Variants in CDK8 observed in about 807,000 individuals in gnomAD.
The protein encoded by CDK8 is cyclin-dependent kinase 8.
In CDK8, 29 loss-of-function variants were observed where a neutral mutation model predicts 71.5. The ratio of observed to expected loss-of-function variants is 0.41; its 90% confidence interval spans 0.30 to 0.55. The LOEUF is 0.55. CDK8 is among the 20% of genes least tolerant of loss of function. The pLI, the probability that CDK8 is intolerant of heterozygous loss-of-function variation, is 0.37. For missense variants in CDK8, 288 were observed against 572.6 expected (o/e 0.50, Z 5.07); for synonymous variants, 161 against 192.1 (o/e 0.84, Z 1.34).
At chr13:26,359,820 A>AGC in intron 4 of CDK8, 1 of 297,628 alleles carries the variant, frequency 3.4e-6, no homozygotes, top group Non-Finnish European at 6.9e-6. Context: ...GGTTCAAGTG[A>AGC]TTCTCCTGCC....
At chr13:26,325,811 A>G (rs1436397345) in intron 1 of CDK8, among the ~76,000 whole-genome samples, 1 of 152,114 alleles carries the variant, frequency 6.6e-6, no homozygotes, top group Non-Finnish European at 1.5e-5. Context: ...TTTTGGCCAG[A>G]TTCAGGGTAT....
At chr13:26,339,754 A>ATATATATATAT (rs66521623) in intron 2 of CDK8, among the ~76,000 whole-genome samples, 28 of 129,334 alleles carry the variant, frequency 2.2e-4, no homozygotes, top group East Asian at 9.0e-4. Context: ...ACTTAAAAAA[A>ATATATATATAT]AAATATATAT....
At chr13:26,278,322 C>T (rs1872627445) in intron 1 of CDK8, among the ~76,000 whole-genome samples, 1 of 152,164 alleles carries the variant, frequency 6.6e-6, no homozygotes. Context: ...ACCATAGCCT[C>T]ATTTTACATT....
chr13:26,292,586 T>A (rs1229820303), intron 1 of CDK8, among the ~76,000 whole-genome samples: 4 of 152,166 alleles, frequency 2.6e-5, no homozygotes, highest in African/African-American at 9.7e-5. Flanking sequence ...GCTAAGCCCA[T>A]TAAAAGTCAC....
At chr13:26,344,964 ATT>A (rs1873402556) in intron 2 of CDK8, among the ~76,000 whole-genome samples, 1 of 152,190 alleles carries the variant, frequency 6.6e-6, no homozygotes, top group African/African-American at 2.4e-5. Context: ...ATCATCAAAT[ATT>A]GTGTGCTGTA....
intron 1 of CDK8, among the ~76,000 whole-genome samples, chr13:26,269,929 T>C (rs1264788657): frequency 6.6e-6 from 1 of 152,140 alleles, no homozygotes; most frequent in Non-Finnish European, 1.5e-5. Context: ...GAAGTAATTT[T>C]GATTTAGTTG....
intron 1 of CDK8, among the ~76,000 whole-genome samples, chr13:26,333,861 T>G (rs759639818): frequency 8.5e-5 from 13 of 152,204 alleles, no homozygotes; most frequent in Non-Finnish European, 1.8e-4. Context: ...ATCTGACTAC[T>G]TCCCTTGGAT....
At chr13:26,270,724 A>G (rs968580358) in intron 1 of CDK8, among the ~76,000 whole-genome samples, 1 of 152,148 alleles carries the variant, frequency 6.6e-6, no homozygotes, top group Non-Finnish European at 1.5e-5. Flanking sequence ...CATTTTGTTC[A>G]TTCCTGGGCT....
intron 6 of CDK8, among the ~76,000 whole-genome samples, chr13:26,391,744 T>TGATG (rs553085590): frequency 6.6e-6 from 1 of 152,242 alleles, no homozygotes; most frequent in South Asian, 2.1e-4. Context: ...CTTTTCCATA[T>TGATG]GATGGTATTG....
chr13:26,304,786 A>G (rs906483123), intron 1 of CDK8, among the ~76,000 whole-genome samples: 1 of 151,750 alleles, frequency 6.6e-6, no homozygotes, highest in Non-Finnish European at 1.5e-5. Context: ...ACAGGTGCAC[A>G]CTACCATACC....
chr13:26,260,440 G>A (rs1216989121), intron 1 of CDK8, among the ~76,000 whole-genome samples: 2 of 152,178 alleles, frequency 1.3e-5, no homozygotes, highest in East Asian at 1.9e-4. Context: ...TGCCATGGCA[G>A]AACTCTGTTT....
chr13:26,308,611 T>G (rs1418083361), intron 1 of CDK8, among the ~76,000 whole-genome samples: 1 of 152,260 alleles, frequency 6.6e-6, no homozygotes, highest in Non-Finnish European at 1.5e-5. Context: ...TTCCTGATCT[T>G]GGTAGATATT....
At chr13:26,355,138 T>G (rs1055768087) in intron 4 of CDK8, among the ~76,000 whole-genome samples, 29 of 152,242 alleles carry the variant, frequency 1.9e-4, no homozygotes, top group African/African-American at 6.8e-4. Context: ...GTGGCACAGT[T>G]TATACTTCTT....
intron 9 of CDK8, 194 bp from the exon 10 acceptor site, chr13:26,400,259 A>G (rs1467052557): frequency 2.6e-5 from 14 of 530,468 alleles, no homozygotes; most frequent in Non-Finnish European, 4.7e-5. Context: ...AAGTGAGATT[A>G]TGAAACTGGA....
intron 1 of CDK8, among the ~76,000 whole-genome samples, chr13:26,255,899 T>C (rs933498341): frequency 1.3e-5 from 2 of 152,116 alleles, no homozygotes; most frequent in South Asian, 4.1e-4. Context: ...AAAGCTGAAG[T>C]TCCCTACTGT....
chr13:26,268,646 A>G (rs2137866136), intron 1 of CDK8, among the ~76,000 whole-genome samples: 1 of 152,040 alleles, frequency 6.6e-6, no homozygotes, highest in East Asian at 1.9e-4. Context: ...TGTATTTTAG[A>G]TTACTGGTGG....
At chr13:26,263,117 A>T (rs758585784) in intron 1 of CDK8, among the ~76,000 whole-genome samples, 3 of 151,986 alleles carry the variant, frequency 2.0e-5, no homozygotes, top group Admixed American at 6.5e-5. Flanking sequence ...TTGAGGAAAG[A>T]AGGAGTAGGT....
intron 1 of CDK8, among the ~76,000 whole-genome samples, chr13:26,330,466 A>G (rs1297702766): frequency 6.6e-6 from 1 of 152,120 alleles, no homozygotes; most frequent in African/African-American, 2.4e-5. Context: ...TTCCCTCCCC[A>G]AGTGCTGGGA....
At chr13:26,289,221 A>AT (rs1408451850) in intron 1 of CDK8, among the ~76,000 whole-genome samples, 2 of 151,270 alleles carry the variant, frequency 1.3e-5, no homozygotes, top group Non-Finnish European at 3.0e-5. Flanking sequence ...TGCCCAGCTA[A>AT]TTTTTGTATT....
Sources: allele counts gnomAD v4.1 joint callset (sites outside exome capture counted in the v4.1 genomes callset), GRCh38; gene constraint gnomAD v4.1.1; transcripts MANE v1.5; gene names NCBI Gene and HGNC (gene_info 2026-07-23, HGNC 2026-07-21).